Variants in PTPN12 observed in about 807,000 individuals in gnomAD.
PTPN12 encodes protein tyrosine phosphatase non-receptor type 12.
A neutral mutation model predicts 97.6 loss-of-function variants in PTPN12; 29 were observed. That is an observed-to-expected ratio of 0.30 (90% CI 0.22 to 0.41). PTPN12 has a LOEUF of 0.41. Ranked by LOEUF, PTPN12 falls within the 10% of genes least tolerant of loss-of-function variation. The probability of loss-of-function intolerance (pLI) is 1.00; values close to 1 mark genes in which losing one functional copy is unlikely to be tolerated. For missense variants in PTPN12, 819 were observed against 926.0 expected, an observed-to-expected ratio of 0.88 and a Z score of 1.50; for synonymous variants, 327 against 300.4, an observed-to-expected ratio of 1.09 and a Z score of -0.91.
At chr7:77,600,857 A>G (rs759930725) in intron 8 of PTPN12, 51 bp downstream of exon 8, 1 of 1,436,270 alleles carries the variant, frequency 7.0e-7, no homozygotes, top group Admixed American at 2.1e-5. Context: ...GTTTGATGTT[A>G]CACAAGGTTT....
intron 14 of PTPN12, among the ~76,000 whole-genome samples, chr7:77,635,130 ATAAATGT>A (rs1789543603): frequency 6.6e-6 from 1 of 152,196 alleles, no homozygotes. Context: ...TGATTTTAAG[ATAAATGT>A]TAAAGAGCCA....
At chr7:77,553,873 G>A (rs1807584308) in intron 1 of PTPN12, among the ~76,000 whole-genome samples, 1 of 146,190 alleles carries the variant, frequency 6.8e-6, no homozygotes, top group African/African-American at 2.6e-5. Context: ...GTCTTCCACT[G>A]TTTTTCTGCC....
At position 77,618,612 on chromosome 7, in the gene PTPN12, A is replaced by T. The variant is rs1788832985; in HGVS notation, c.1025+47A>T. The stretch of plus-strand genomic sequence containing the variant: ...TTTCTTTAAAAGCATACTTGTTTCT[A>T]CTCACTGTTAATTAAAATGACAAAT... On this transcript the variant is annotated intron_variant, in intron 12 of 17. Transcript: ENST00000248594. The T allele has an allele frequency of 3.3e-6, 4 of 1,224,740 alleles. No homozygotes were observed. The South Asian group carries it at 5.4e-5, about 16-fold the overall frequency. 75.9% of individuals were successfully genotyped at this position (1,224,740 alleles called of 1,614,324 possible). A position where few individuals can be genotyped will look rare whatever the true frequency, so the allele number is the denominator to read the frequency against.
chr7:77,571,336 G>T, intron 2 of PTPN12, 150 bp downstream of exon 2: 1 of 565,912 alleles, frequency 1.8e-6, no homozygotes, highest in Non-Finnish European at 3.0e-6. Flanking sequence ...ATTCATAATT[G>T]TGCTTTTTGT....
intron 3 of PTPN12, among the ~76,000 whole-genome samples, 163 bp downstream of exon 3, chr7:77,581,666 CCTT>C (rs1787519674): frequency 6.6e-6 from 1 of 152,148 alleles, no homozygotes. Context: ...TTCCTTCTAG[CCTT>C]CTTATTCATA....
In PTPN12 at chr7:77,537,331, G is replaced by T; in HGVS notation, c.-216G>T. On this transcript the variant is annotated 5_prime_UTR_variant, in exon 1 of 18. Coordinates refer to ENST00000248594, the MANE Select transcript of PTPN12 (RefSeq NM_002835.4). ...GGCTCGCCTGGTACTGTGGGAGAGC[G>T]GCGGCTGCTCCTGGAAGTTGTGGTG... 1.9e-6 allele frequency: 1 copy of T among 539,440 alleles called. No individual in the cohort carries two copies. The highest frequency in any genetic ancestry group is 4.5e-5 in the Admixed American group (1 of 22,426). 33.4% of individuals were successfully genotyped at this position (539,440 alleles called of 1,614,324 possible). A position where few individuals can be genotyped will look rare whatever the true frequency, so the allele number is the denominator to read the frequency against.
At chr7:77,548,028 A>G (rs1311194321) in intron 1 of PTPN12, among the ~76,000 whole-genome samples, 1 of 152,162 alleles carries the variant, frequency 6.6e-6, no homozygotes, top group African/African-American at 2.4e-5. Flanking sequence ...TAGTTGTTTG[A>G]TCTTACAGTA....
intron 1 of PTPN12, 22 bp downstream of exon 1, chr7:77,537,667 C>T (rs746097160): frequency 6.4e-7 from 1 of 1,570,978 alleles, no homozygotes; most frequent in Non-Finnish European, 8.6e-7. Context: ...CCCTCGCTGT[C>T]GCGTTTTCTT....
intron 1 of PTPN12, among the ~76,000 whole-genome samples, chr7:77,558,993 A>T (rs948600910): frequency 3.3e-5 from 5 of 151,836 alleles, no homozygotes; most frequent in Non-Finnish European, 7.3e-5. Context: ...CAGCATGGGT[A>T]GCAGAACAAG....
At chr7:77,634,538 C>T (rs1789519009) in intron 14 of PTPN12, among the ~76,000 whole-genome samples, 1 of 152,086 alleles carries the variant, frequency 6.6e-6, no homozygotes, top group Non-Finnish European at 1.5e-5. Context: ...CTCTTGGGTT[C>T]ATGCCATTCT....
At chr7:77,610,154 G>C (rs570539285) in intron 9 of PTPN12, among the ~76,000 whole-genome samples, 1 of 152,264 alleles carries the variant, frequency 6.6e-6, no homozygotes, top group South Asian at 2.1e-4. Context: ...ATACACAAAA[G>C]AATTGTCTAG....
chr7:77,595,693 T>C (rs1020279673), intron 6 of PTPN12, among the ~76,000 whole-genome samples: 2 of 152,180 alleles, frequency 1.3e-5, no homozygotes, highest in Non-Finnish European at 2.9e-5. Context: ...TTTGAAAAAG[T>C]TCAAATATTA....
At chr7:77,559,546 G>T (rs920688255) in intron 1 of PTPN12, among the ~76,000 whole-genome samples, 1 of 152,066 alleles carries the variant, frequency 6.6e-6, no homozygotes, top group Non-Finnish European at 1.5e-5. Context: ...TTAGGACAAG[G>T]AGATACTACT....
chr7:77,627,502 C>T lies in PTPN12; in HGVS notation c.1823C>T (p.Ser608Leu). 10 of 1,613,946 alleles carry T rather than the reference C, an allele frequency of 6.2e-6. No homozygotes were observed. The highest frequency in any genetic ancestry group is 8.5e-6 in the Non-Finnish European group (10 of 1,179,884). ...CCACTTCACTCTGATGACTCAGACT[C>T]AGATGAAAGAAACTCTGATGGTGCT... The part of the protein sequence containing the change: ...TNPLHSDDSD[S>L]DERNSDGAVT... The change falls in exon 13 of 18, where the codon TCA (serine) becomes TTA (leucine). Residue 608 changes from serine (S) to leucine (L), a missense_variant. Physicochemically the swap from Ser to Leu is moderately radical, Grantham distance 145. This residue lies in a region of PTPN12 where 607 missense variants were observed against 577.3 expected (regional missense o/e 1.05). Coordinates refer to ENST00000248594, the MANE Select transcript of PTPN12 (RefSeq NM_002835.4).
At chr7:77,564,978 G>T (rs1312697148) in intron 1 of PTPN12, among the ~76,000 whole-genome samples, 1 of 142,552 alleles carries the variant, frequency 7.0e-6, no homozygotes, top group Non-Finnish European at 1.6e-5. Context: ...GGATGGTCTC[G>T]ATCTCCTGAC....
chr7:77,604,553 G>C (rs890018442), intron 8 of PTPN12, among the ~76,000 whole-genome samples: 2 of 151,890 alleles, frequency 1.3e-5, no homozygotes, highest in Non-Finnish European at 2.9e-5. Context: ...ATATATTGAG[G>C]ACATTAACTT....
chr7:77,601,460 C>G (rs1378488833), intron 8 of PTPN12, among the ~76,000 whole-genome samples: 1 of 152,162 alleles, frequency 6.6e-6, no homozygotes, highest in Non-Finnish European at 1.5e-5. Flanking sequence ...ACTTTGCTCT[C>G]CCAGAGTCTT....
intron 1 of PTPN12, among the ~76,000 whole-genome samples, chr7:77,543,995 G>A (rs989290789): frequency 6.6e-6 from 1 of 152,156 alleles, no homozygotes; most frequent in African/African-American, 2.4e-5. Flanking sequence ...AAGTTTCTGT[G>A]TGGACACATT....
chr7:77,563,682 A>G (rs552194697), intron 1 of PTPN12, among the ~76,000 whole-genome samples: 1 of 152,294 alleles, frequency 6.6e-6, no homozygotes, highest in Admixed American at 6.5e-5. Context: ...TACTTTCTTT[A>G]TTATCAATCC....
Sources: gnomAD v4.1 joint callset for allele counts (sites outside exome capture counted in the v4.1 genomes callset) on GRCh38, gnomAD v4.1.1 for gene constraint, gnomAD v4.1.1 regional missense constraint, MANE v1.5 for transcripts, NCBI Gene and HGNC (gene_info 2026-07-23, HGNC 2026-07-21) for gene names.